Variants in PATL1 observed in about 807,000 individuals in gnomAD.
PATL1 encodes protein PAT1 homolog 1.
In PATL1, 32 loss-of-function variants were observed where a neutral mutation model predicts 100.6. The ratio of observed to expected loss-of-function variants is 0.32; its 90% CI spans 0.24 to 0.43. The LOEUF is 0.43. Ranked by LOEUF, PATL1 falls within the 20% of genes least tolerant of loss-of-function variation. PATL1 has a pLI of 1.00. For synonymous variants in PATL1, 332 were observed against 330.0 expected (o/e 1.01, Z -0.07); for missense variants, 747 against 949.9 (o/e 0.79, Z 2.81).
intron 2 of PATL1, among the ~76,000 whole-genome samples, chr11:59,660,484 C>T (rs1008774172): frequency 6.6e-6 from 1 of 152,122 alleles, no homozygotes; most frequent in Admixed American, 6.5e-5. Context: ...GAGAAGATGA[C>T]ATTTGAGCAA....
At chr11:59,656,320 T>C (rs1271523786) in intron 6 of PATL1, among the ~76,000 whole-genome samples, 179 bp downstream of exon 6, 1 of 152,160 alleles carries the variant, frequency 6.6e-6, no homozygotes, top group African/African-American at 2.4e-5. Context: ...AAAGAGCTGA[T>C]GTAAGAAACA....
intron 1 of PATL1, among the ~76,000 whole-genome samples, 181 bp downstream of exon 1, chr11:59,668,700 A>G (rs777631820): frequency 1.3e-5 from 2 of 152,182 alleles, no homozygotes; most frequent in Admixed American, 6.5e-5. Flanking sequence ...TCGACCCATG[A>G]AGCCAGCTCC....
At chr11:59,654,776 CTG>C (rs1181140614) in intron 8 of PATL1, among the ~76,000 whole-genome samples, 1 of 152,136 alleles carries the variant, frequency 6.6e-6, no homozygotes, top group Non-Finnish European at 1.5e-5. Context: ...TGGTCAAACA[CTG>C]TTTAGATGTT....
chr11:59,659,202 A>G (rs1425512541), intron 3 of PATL1, 50 bp downstream of exon 3: 16 of 1,478,282 alleles, frequency 1.1e-5, no homozygotes, highest in Admixed American at 4.1e-5. Context: ...TCAATACTTC[A>G]CTTTAATTTT....
intron 15 of PATL1, among the ~76,000 whole-genome samples, chr11:59,646,866 T>C (rs1308825862): frequency 6.6e-6 from 1 of 152,170 alleles, no homozygotes; most frequent in Non-Finnish European, 1.5e-5. Context: ...AATTAACTTG[T>C]ACATGTGATA....
intron 15 of PATL1, among the ~76,000 whole-genome samples, chr11:59,643,569 T>C (rs1259143743): frequency 1.3e-5 from 2 of 151,972 alleles, no homozygotes; most frequent in African/African-American, 4.8e-5. Flanking sequence ...GTTTCACCTG[T>C]AGTCCCCAGC....
At position 59,654,057 on chromosome 11, in the gene PATL1, C is replaced by T. The variant is rs749322652; in HGVS notation, c.1047G>A (p.Met349Ile). The change falls in exon 9 of 19, where the codon ATG (methionine) becomes ATA (isoleucine). Residue 349 changes from methionine to isoleucine, a missense_variant. By Grantham distance (10) the Met-to-Ile change is conservative (BLOSUM62 1). Transcript: ENST00000300146. ...HLQNLRSQAP[M>I]FRPDTTHLHP... ...GGAGGTGAGTTGTGTCCGGTCTAAA[C>T]ATTGGGGCCTGAGATCTAAGAAAAA... The T allele has an allele frequency of 1.2e-6, 2 of 1,613,742 alleles. No homozygotes were observed. Among genetic ancestry groups the T allele is most frequent in the Non-Finnish European group, 1.7e-6 (2 of 1,179,682 alleles).
Position 59,666,495 on chromosome 11 carries a change from A to G in PATL1, c.127+358T>C, listed in dbSNP as rs78904040. Among the ~76,000 whole-genome samples the G allele has an allele frequency of 9.3e-4, 141 of 152,308 alleles. 4 individuals are homozygous for G. In the East Asian group the frequency reaches 0.026, roughly 28 times the overall value. On this transcript the variant is annotated intron_variant, in intron 2 of 18. Coordinates refer to ENST00000300146, the MANE Select transcript of PATL1 (RefSeq NM_152716.3). ...CTAGTACACTAGTTTTCCATAAGTT[A>G]TATGTTATACAAATAAAAATTCCTC...
intron 14 of PATL1, among the ~76,000 whole-genome samples, chr11:59,648,145 A>AAG (rs1176483494): frequency 6.6e-6 from 1 of 151,676 alleles, no homozygotes; most frequent in African/African-American, 2.4e-5. Context: ...GTTAAAAAAA[A>AAG]CTTGGCCAAC....
At chr11:59,653,090 C>T in intron 9 of PATL1, 72 bp from the exon 10 acceptor site, 1 of 1,325,652 alleles carries the variant, frequency 7.5e-7, no homozygotes, top group Non-Finnish European at 1.0e-6. Flanking sequence ...AGGAATAAAC[C>T]AGGCCAGTTT....
intron 12 of PATL1, 34 bp downstream of exon 12, chr11:59,651,510 A>T: frequency 6.6e-7 from 1 of 1,513,658 alleles, no homozygotes; most frequent in Non-Finnish European, 9.1e-7. Flanking sequence ...CACAAATCAG[A>T]CGTTCTTAAA....
intron 9 of PATL1, among the ~76,000 whole-genome samples, chr11:59,653,482 C>G (rs1263281466): frequency 2.0e-5 from 3 of 152,136 alleles, no homozygotes; most frequent in African/African-American, 7.2e-5. Flanking sequence ...AGAGAAAAAG[C>G]CCAGCAAATA....
chr11:59,661,622 G>C (rs1008221427), intron 2 of PATL1, among the ~76,000 whole-genome samples: 2 of 152,120 alleles, frequency 1.3e-5, no homozygotes, highest in Non-Finnish European at 2.9e-5. Flanking sequence ...CAGAAACAGA[G>C]ACTTTCTTTT....
chr11:59,651,870 G>A (rs1016956487), intron 11 of PATL1, among the ~76,000 whole-genome samples: 45 of 151,756 alleles, frequency 3.0e-4, no homozygotes, highest in African/African-American at 1.0e-3. Flanking sequence ...TCCGAGACCA[G>A]CCTGGCCAAC....
At position 59,666,996 on chromosome 11, in the gene PATL1, T is replaced by A. The variant is rs142076081; in HGVS notation, c.16-32A>T. 260 of 1,530,502 alleles carry A rather than the reference T, an allele frequency of 1.7e-4. 1 individual carries two copies. The East Asian group carries it at 4.4e-3, about 26-fold the overall frequency. The allele number at this position is 1,530,502 out of a possible 1,614,324, so 94.8% of individuals were successfully genotyped here. On this transcript the variant is annotated intron_variant, in intron 1 of 18. Transcript: ENST00000300146. ...AAAAAGAAAAGACATTAGTTATTCATGAAATTCACACCCTCATTTTAAAAA... is the reference window on the plus strand; with the variant it reads ...AAAAAGAAAAGACATTAGTTATTCAAGAAATTCACACCCTCATTTTAAAAA...
rs756421055 is a variant in PATL1, at chr11:59,647,862, T to C, written c.1785A>G (p.Arg595=). The stretch of plus-strand genomic sequence containing the variant: ...GGAAAGGAAGAATACGGGCAACCAT[T>C]CTCTTCCCTTTTCGGATACACATGA... The part of the protein sequence containing the change: ...VQIMCIRKGK[R]MVARILPFLS... Residue 595 remains arginine, a synonymous_variant, in exon 15 of 19, where the codon AGA becomes AGG. Transcript: ENST00000300146. The C allele has an allele frequency of 2.5e-6, 4 of 1,613,878 alleles. 1 individual carries two copies. Among genetic ancestry groups the C allele is most frequent in the South Asian group, 1.1e-5 (1 of 91,078 alleles).
intron 13 of PATL1, among the ~76,000 whole-genome samples, chr11:59,650,052 C>T (rs551629215): frequency 7.6e-5 from 11 of 144,954 alleles, no homozygotes; most frequent in African/African-American, 2.5e-4. Context: ...ACCCGGTAGG[C>T]GGAGGTTGCA....
At position 59,647,829 on chromosome 11, in the gene PATL1, T is replaced by C; in HGVS notation, c.1818A>G (p.Thr606=). Reference sequence around the variant, plus strand: ...TCATGAGAATGTCAGCTGCTTGCTCTGTGGAGAGGAAAGGAAGAATACGGG... The same window carrying C: ...TCATGAGAATGTCAGCTGCTTGCTCCGTGGAGAGGAAAGGAAGAATACGGG... The part of the protein sequence containing the change: ...MVARILPFLS[T]EQAADILMTT... Residue 606 remains threonine (T), a synonymous_variant, in exon 15 of 19, where the codon ACA becomes ACG. Transcript: ENST00000300146. 6.2e-7 allele frequency: 1 copy of C among 1,613,986 alleles called. No individual in the cohort carries two copies.
At chr11:59,662,376 A>T (rs1220250343) in intron 2 of PATL1, among the ~76,000 whole-genome samples, 1 of 152,010 alleles carries the variant, frequency 6.6e-6, no homozygotes, top group African/African-American at 2.4e-5. Flanking sequence ...GTCAGGTGGC[A>T]CTCTTCCTCT....
Sources: gnomAD v4.1 joint callset for allele counts (sites outside exome capture counted in the v4.1 genomes callset) on GRCh38, gnomAD v4.1.1 for gene constraint, MANE v1.5 for transcripts, NCBI Gene and HGNC (gene_info 2026-07-23, HGNC 2026-07-21) for gene names.